ATP10A: variants seen among roughly 807,000 people sequenced by gnomAD.
The protein encoded by ATP10A is ATPase phospholipid transporting 10A (putative).
Under a neutral mutation model 147.8 loss-of-function variants are expected in ATP10A, and 111 were observed. That is an observed-to-expected ratio of 0.75 (90% CI 0.64 to 0.88). The LOEUF is 0.88. ATP10A is among the 40% of genes least tolerant of loss of function. The pLI is 0.00. For synonymous variants in ATP10A, 875 were observed against 841.6 expected (o/e 1.04, Z -0.69); for missense variants, 1,927 against 1,959.0 (o/e 0.98, Z 0.31).
chr15:25,850,039 T>C (rs374313770), intron 1 of ATP10A, among the ~76,000 whole-genome samples: 3 of 152,186 alleles, frequency 2.0e-5, no homozygotes, highest in African/African-American at 4.8e-5. Context: ...GGACAAGACA[T>C]ACATAACTAA....
intron 1 of ATP10A, among the ~76,000 whole-genome samples, chr15:25,857,458 A>G (rs1012619163): frequency 1.3e-5 from 2 of 151,712 alleles, no homozygotes; most frequent in African/African-American, 2.4e-5. Flanking sequence ...AAAAATAATA[A>G]TTTTTTTTAG....
At position 25,679,313 on chromosome 15, in the gene ATP10A, T is replaced by A. The variant is rs778885111; in HGVS notation, c.*28A>T. Reference sequence around the variant, plus strand: ...TAAATAATATTAACATTTATTTATATATATTAAAAAAGGCCATTTCAAGGT... The same window carrying A: ...TAAATAATATTAACATTTATTTATAAATATTAAAAAAGGCCATTTCAAGGT... On this transcript the variant is annotated 3_prime_UTR_variant, in exon 21 of 21. Coordinates refer to ENST00000555815, the MANE Select transcript of ATP10A (RefSeq NM_024490.4). The A allele has an allele frequency of 3.8e-6, 5 of 1,328,786 alleles. No homozygotes were observed. Among genetic ancestry groups the A allele is most frequent in the Admixed American group, 2.8e-5 (1 of 36,236 alleles). 82.3% of individuals were successfully genotyped at this position (1,328,786 alleles called of 1,614,324 possible). A position where few individuals can be genotyped will look rare whatever the true frequency, so the allele number is the denominator to read the frequency against.
intron 12 of ATP10A, among the ~76,000 whole-genome samples, 190 bp from the exon 13 acceptor site, chr15:25,702,290 T>C (rs911928673): frequency 2.0e-5 from 3 of 152,194 alleles, no homozygotes; most frequent in African/African-American, 7.2e-5. Context: ...GTGGAACCAT[T>C]TCAGGACAGT....
chr15:25,681,191 C>G, intron 17 of ATP10A, 117 bp from the exon 18 acceptor site: 1 of 761,456 alleles, frequency 1.3e-6, no homozygotes, highest in Non-Finnish European at 2.1e-6. Context: ...CAACAAAAAC[C>G]CACCCTGAGG....
At chr15:25,695,510 T>A (rs1900280581) in intron 13 of ATP10A, among the ~76,000 whole-genome samples, 1 of 152,144 alleles carries the variant, frequency 6.6e-6, no homozygotes, top group Non-Finnish European at 1.5e-5. Flanking sequence ...GTGCCTGTAG[T>A]CCCAGCTACT....
intron 16 of ATP10A, among the ~76,000 whole-genome samples, chr15:25,684,523 T>A (rs1237997286): frequency 2.6e-5 from 4 of 152,164 alleles, no homozygotes; most frequent in Non-Finnish European, 5.9e-5. Context: ...TATCGTTAGT[T>A]CCCTTGTTTG....
At chr15:25,735,003 CG>C (rs774115891) in intron 3 of ATP10A, among the ~76,000 whole-genome samples, 4,804 of 131,262 alleles carry the variant, frequency 0.037, 108 homozygotes, top group Non-Finnish European at 0.053. Context: ...GTGGTGGGAG[CG>C]GGGGGGGGGT....
chr15:25,831,484 T>C (rs1031397250), intron 1 of ATP10A, among the ~76,000 whole-genome samples: 1 of 152,212 alleles, frequency 6.6e-6, no homozygotes, highest in African/African-American at 2.4e-5. Flanking sequence ...AAAATGGCTT[T>C]TTGTGGAGTG....
intron 1 of ATP10A, among the ~76,000 whole-genome samples, chr15:25,855,246 T>C (rs763163733): frequency 6.6e-5 from 10 of 152,098 alleles, no homozygotes; most frequent in Non-Finnish European, 1.5e-4. Flanking sequence ...TTCTAGTCAA[T>C]GGTATCCAGC....
At chr15:25,702,870 T>G (rs1900752256) in intron 12 of ATP10A, among the ~76,000 whole-genome samples, 1 of 152,024 alleles carries the variant, frequency 6.6e-6, no homozygotes, top group South Asian at 2.1e-4. Context: ...TGAGGCTCCT[T>G]TACTGCGCTA....
intron 2 of ATP10A, among the ~76,000 whole-genome samples, chr15:25,767,142 C>T (rs1889070600): frequency 6.6e-6 from 1 of 152,224 alleles, no homozygotes; most frequent in Non-Finnish European, 1.5e-5. Context: ...ATGGTATTCA[C>T]AGGTGACACT....
intron 1 of ATP10A, among the ~76,000 whole-genome samples, chr15:25,786,481 C>T (rs980410165): frequency 2.0e-5 from 3 of 150,492 alleles, no homozygotes; most frequent in Non-Finnish European, 3.0e-5. Context: ...GTCTTTTGAA[C>T]GACAGAACTG....
chr15:25,681,620 C>A (rs143361443), intron 17 of ATP10A, among the ~76,000 whole-genome samples: 1 of 152,178 alleles, frequency 6.6e-6, no homozygotes. Context: ...CTCACTCTCT[C>A]AGGACTTTTG....
chr15:25,713,754 TG>T lies in ATP10A; in HGVS notation c.2263del (p.His755ThrfsTer64), dbSNP rs1901585375. On this transcript the variant is annotated frameshift_variant, in exon 10 of 21. Transcript: ENST00000555815. LOFTEE classifies it high-confidence loss of function. ...GACGTTGATCTCATCGGTAAGCGGG[TG>T]CCGGATCACCACTGACATCCTCTTG... ...VRKRMSVVIR[H>X]PLTDEINVYT... 1 of 1,613,842 alleles carries T rather than the reference TG, an allele frequency of 6.2e-7. No homozygotes were observed. The highest frequency in any genetic ancestry group is 1.7e-5 in the Admixed American group (1 of 59,994).
intron 1 of ATP10A, among the ~76,000 whole-genome samples, chr15:25,841,198 C>T (rs572413879): frequency 1.3e-5 from 2 of 150,756 alleles, no homozygotes; most frequent in East Asian, 3.9e-4. Context: ...TTTATGTTTT[C>T]TTTTAGAAGT....
At chr15:25,781,396 C>T (rs1203650854) in intron 1 of ATP10A, among the ~76,000 whole-genome samples, 173 bp from the exon 2 acceptor site, 1 of 152,114 alleles carries the variant, frequency 6.6e-6, no homozygotes, top group Non-Finnish European at 1.5e-5. Context: ...GTGGCTCACG[C>T]CTGTAATCCC....
intron 7 of ATP10A, among the ~76,000 whole-genome samples, chr15:25,720,035 C>T (rs996561595): frequency 5.9e-5 from 9 of 152,176 alleles, no homozygotes; most frequent in African/African-American, 2.2e-4. Context: ...CCAGGAAGCT[C>T]CCTGTGTCTT....
chr15:25,741,905 G>T (rs1427329599), intron 2 of ATP10A, among the ~76,000 whole-genome samples: 3 of 152,098 alleles, frequency 2.0e-5, no homozygotes, highest in African/African-American at 7.2e-5. Flanking sequence ...AAGAAACACC[G>T]AACGTACAAG....
intron 1 of ATP10A, among the ~76,000 whole-genome samples, chr15:25,832,416 G>A (rs1892398464): frequency 6.6e-6 from 1 of 152,234 alleles, no homozygotes; most frequent in African/African-American, 2.4e-5. Flanking sequence ...CTGCCTGTGA[G>A]TGTGCCGGGC....
Sources: gnomAD v4.1 joint callset for allele counts (sites outside exome capture counted in the v4.1 genomes callset) on GRCh38, gnomAD v4.1.1 for gene constraint, MANE v1.5 for transcripts, NCBI Gene and HGNC (gene_info 2026-07-23, HGNC 2026-07-21) for gene names.